Variants in CTNNA2 observed in about 807,000 individuals in gnomAD.
CTNNA2 encodes catenin alpha-2.
CTNNA2 carries 42 observed loss-of-function variants against 101.0 expected under a neutral mutation model. The observed-to-expected ratio is 0.42, with a 90% CI of 0.32 to 0.54. The LOEUF (loss-of-function observed/expected upper bound fraction) is 0.54, where lower values mean the gene tolerates loss of function less well. Among genes scored for constraint, CTNNA2 ranks in the 20% least tolerant of loss-of-function variants. CTNNA2 has a pLI of 0.14. For missense variants in CTNNA2, 871 were observed against 1,223.1 expected (o/e 0.71, Z 4.29); for synonymous variants, 450 against 456.4 (o/e 0.99, Z 0.18).
intron 3 of CTNNA2, among the ~76,000 whole-genome samples, chr2:79,786,500 T>G (rs1674859085): frequency 6.6e-6 from 1 of 151,872 alleles, no homozygotes; most frequent in South Asian, 2.1e-4. Flanking sequence ...TTTTTTTTTC[T>G]TTTTTGGATG....
intron 7 of CTNNA2, among the ~76,000 whole-genome samples, chr2:79,911,010 G>A (rs1685757185): frequency 6.6e-6 from 1 of 152,116 alleles, no homozygotes. Context: ...GGAAGACTTG[G>A]CCTTTTTCAG....
At chr2:79,304,136 A>G (rs746806548) in intron 2 of CTNNA2, among the ~76,000 whole-genome samples, 2 of 152,162 alleles carry the variant, frequency 1.3e-5, no homozygotes, top group Non-Finnish European at 2.9e-5. Flanking sequence ...AGCTGGTTGT[A>G]TAAGGCACAT....
intron 7 of CTNNA2, among the ~76,000 whole-genome samples, chr2:80,228,584 C>G (rs902538308): frequency 1.3e-5 from 2 of 152,176 alleles, no homozygotes; most frequent in Admixed American, 6.5e-5. Flanking sequence ...ACTGTCCCCT[C>G]TCCTTTAACT....
chr2:80,440,110 G>T (rs1309599087), intron 9 of CTNNA2, among the ~76,000 whole-genome samples: 2 of 152,166 alleles, frequency 1.3e-5, no homozygotes, highest in Non-Finnish European at 2.9e-5. Context: ...TAAGTAGGGT[G>T]GTCAGAAGAG....
chr2:79,213,004 GT>G (rs1003696105), intron 2 of CTNNA2, among the ~76,000 whole-genome samples: 4 of 152,106 alleles, frequency 2.6e-5, no homozygotes, highest in Non-Finnish European at 4.4e-5. Context: ...CATGGAAGAA[GT>G]TAGGAAATGA....
chr2:79,470,598 C>A, intron 4 of CTNNA2, among the ~76,000 whole-genome samples: 1 of 152,158 alleles, frequency 6.6e-6, no homozygotes, highest in East Asian at 1.9e-4. Flanking sequence ...GTAATAATTA[C>A]CAAATACTGG....
chr2:79,842,937 G>T (rs1163742722), intron 3 of CTNNA2, among the ~76,000 whole-genome samples: 2 of 140,830 alleles, frequency 1.4e-5, no homozygotes, highest in Admixed American at 6.9e-5. Flanking sequence ...AAGAGAAGAG[G>T]TGACATTGTT....
At chr2:80,575,864 G>A (rs1694996393) in intron 13 of CTNNA2, among the ~76,000 whole-genome samples, 1 of 152,136 alleles carries the variant, frequency 6.6e-6, no homozygotes, top group Non-Finnish European at 1.5e-5. Context: ...GACATTTCAA[G>A]TAGTTTGATT....
intron 4 of CTNNA2, among the ~76,000 whole-genome samples, chr2:79,475,379 T>G (rs529791025): frequency 2.0e-5 from 3 of 152,134 alleles, no homozygotes. Context: ...GGAAGACAAG[T>G]GAAGCTGGAG....
chr2:79,857,427 T>C (rs1681225906), intron 3 of CTNNA2, among the ~76,000 whole-genome samples: 1 of 152,204 alleles, frequency 6.6e-6, no homozygotes, highest in African/African-American at 2.4e-5. Flanking sequence ...GACACAAGTG[T>C]GTGTTTAGTA....
intron 2 of CTNNA2, among the ~76,000 whole-genome samples, chr2:79,729,800 C>T (rs1019226868): frequency 2.6e-5 from 4 of 151,960 alleles, no homozygotes; most frequent in African/African-American, 9.7e-5. Context: ...TGAAGATGAC[C>T]CTACAGTAAA....
intron 1 of CTNNA2, among the ~76,000 whole-genome samples, chr2:79,606,819 A>G (rs1677925191): frequency 6.6e-6 from 1 of 152,234 alleles, no homozygotes; most frequent in South Asian, 2.1e-4. Flanking sequence ...AACAAAGAAA[A>G]TAAAATGCAA....
chr2:80,285,601 A>G (rs1228689429), intron 7 of CTNNA2, among the ~76,000 whole-genome samples: 1 of 152,122 alleles, frequency 6.6e-6, no homozygotes, highest in Non-Finnish European at 1.5e-5. Context: ...TATTCCCAAA[A>G]TGTCCCTTTA....
At chr2:80,038,157 C>A (rs1308007665) in intron 7 of CTNNA2, among the ~76,000 whole-genome samples, 1 of 152,114 alleles carries the variant, frequency 6.6e-6, no homozygotes, top group Non-Finnish European at 1.5e-5. Context: ...ATGGACTCTG[C>A]CTAGTACTGT....
At chr2:80,329,807 T>C (rs1671159666) in intron 7 of CTNNA2, among the ~76,000 whole-genome samples, 2 of 152,212 alleles carry the variant, frequency 1.3e-5, no homozygotes, top group South Asian at 4.1e-4. Flanking sequence ...AGTATGTATG[T>C]TCCCTAGCCA....
rs79817663 is a variant in CTNNA2, at chr2:79,370,008, G to A, written c.-317-3823G>A. 7.3e-3 allele frequency among the ~76,000 whole-genome samples: 1,107 copies of A among 152,226 alleles called. 5 individuals are homozygous for A. The highest frequency in any genetic ancestry group is 0.024 in the African/African-American group (1,006 of 41,520). Reference sequence around the variant, plus strand: ...TTACTACTGTCAATCTAATTCTGGCGAAGAGGAGGTGCTCAACTTTATGAA... The same window carrying A: ...TTACTACTGTCAATCTAATTCTGGCAAAGAGGAGGTGCTCAACTTTATGAA... On this transcript the variant is annotated intron_variant, in intron 3 of 21. Coordinates refer to the CTNNA2 transcript ENST00000466387.
intron 7 of CTNNA2, among the ~76,000 whole-genome samples, chr2:80,365,571 GAAAA>G (rs3040567): frequency 7.4e-6 from 1 of 135,878 alleles, no homozygotes; most frequent in African/African-American, 2.6e-5. Flanking sequence ...GTGTTTTTTG[GAAAA>G]AAAAAAAAAA....
At chr2:79,546,989 A>AAGG (rs1673774121) in intron 1 of CTNNA2, among the ~76,000 whole-genome samples, 2 of 14,066 alleles carry the variant, frequency 1.4e-4, no homozygotes, top group South Asian at 3.4e-3. Context: ...AATTTGTGAA[A>AAGG]AGAACGCTTG....
At chr2:79,320,557 G>T (rs1361982671) in intron 3 of CTNNA2, among the ~76,000 whole-genome samples, 1 of 152,182 alleles carries the variant, frequency 6.6e-6, no homozygotes, top group Non-Finnish European at 1.5e-5. Flanking sequence ...CTACCTGAAA[G>T]ACAGAAAGTA....
Sources: allele counts gnomAD v4.1 joint callset (sites outside exome capture counted in the v4.1 genomes callset), GRCh38; gene constraint gnomAD v4.1.1; transcripts MANE v1.5; gene names NCBI Gene and HGNC (gene_info 2026-07-23, HGNC 2026-07-21).